The following CHN1 variants were observed in gnomAD, a reference collection of about 807,000 sequenced individuals.
The protein encoded by CHN1 is N-chimaerin.
CHN1 carries 37 observed loss-of-function variants against 59.5 expected under a neutral mutation model. The observed-to-expected ratio is 0.62, with a 90% CI of 0.48 to 0.82. CHN1 has a LOEUF of 0.82. Among genes scored for constraint, CHN1 ranks in the 40% least tolerant of loss-of-function variants. The pLI is 0.00. For synonymous variants in CHN1, 206 were observed against 200.4 expected (o/e 1.03, Z -0.24); for missense variants, 469 against 571.0 (o/e 0.82, Z 1.82).
At chr2:174,816,810 C>T (rs190772460) in intron 8 of CHN1, among the ~76,000 whole-genome samples, 360 of 152,146 alleles carry the variant, frequency 2.4e-3, no homozygotes, top group Admixed American at 8.9e-3. Context: ...CTTATAACAA[C>T]GTTTTAGAAG....
rs569604656 is a variant in CHN1, at chr2:174,802,906, C to T, written c.1103-1094G>A. ...TACAAAAATTAGCCAGGTGTGGTGG[C>T]GGGTGCCTGTAATCCCAGCTACTTG... On this transcript the variant is annotated intron_variant, in intron 11 of 12. Transcript: ENST00000409900. Among the ~76,000 whole-genome samples, 12 of 152,106 alleles carry T rather than the reference C, an allele frequency of 7.9e-5. No homozygotes were observed. The East Asian group carries it at 1.5e-3, about 20-fold the overall frequency.
intron 5 of CHN1, among the ~76,000 whole-genome samples, chr2:174,893,768 A>G (rs1688124980): frequency 6.6e-6 from 1 of 152,240 alleles, no homozygotes; most frequent in African/African-American, 2.4e-5. Context: ...TCAAAGTTGT[A>G]TGGTTTTGGA....
chr2:174,877,596 A>C (rs1246204838), intron 6 of CHN1, among the ~76,000 whole-genome samples: 2 of 152,184 alleles, frequency 1.3e-5, no homozygotes, highest in East Asian at 3.8e-4. Context: ...TTTTTCCAAC[A>C]TAGTTTTAAA....
At chr2:175,002,380 G>A (rs1691919873) in intron 1 of CHN1, among the ~76,000 whole-genome samples, 1 of 152,132 alleles carries the variant, frequency 6.6e-6, no homozygotes, top group Non-Finnish European at 1.5e-5. Context: ...CAGCAAAGGT[G>A]ATTAACAGTG....
chr2:174,927,853 G>A (rs950737436), intron 3 of CHN1, among the ~76,000 whole-genome samples: 1 of 152,158 alleles, frequency 6.6e-6, no homozygotes, highest in Non-Finnish European at 1.5e-5. Context: ...TCTATATGAT[G>A]CTTCTTAAAA....
chr2:174,914,974 A>T, intron 5 of CHN1, 84 bp downstream of exon 5: 3 of 698,568 alleles, frequency 4.3e-6, no homozygotes, highest in Non-Finnish European at 6.9e-6. Context: ...ATTCAATTAC[A>T]TGCTGAATGC....
intron 6 of CHN1, among the ~76,000 whole-genome samples, chr2:174,850,017 G>A (rs1215718932): frequency 6.6e-6 from 1 of 152,180 alleles, no homozygotes; most frequent in Non-Finnish European, 1.5e-5. Context: ...TGGATGGTAA[G>A]AAAAATGTAG....
At chr2:174,879,099 T>A (rs1470444500) in intron 5 of CHN1, among the ~76,000 whole-genome samples, 1 of 152,222 alleles carries the variant, frequency 6.6e-6, no homozygotes, top group African/African-American at 2.4e-5. Context: ...ACTAAACAAG[T>A]CACAAAGGAT....
intron 1 of CHN1, among the ~76,000 whole-genome samples, chr2:174,963,559 C>A (rs761440978): frequency 5.3e-5 from 8 of 152,164 alleles, no homozygotes; most frequent in Non-Finnish European, 1.0e-4. Context: ...GCAAACAATG[C>A]AGAGTGGCTG....
intron 3 of CHN1, among the ~76,000 whole-genome samples, chr2:174,930,509 A>C (rs1260349526): frequency 1.3e-5 from 2 of 152,144 alleles, no homozygotes; most frequent in African/African-American, 4.8e-5. Flanking sequence ...TCAATGAGAC[A>C]TATCTGGGCA....
At chr2:174,953,164 C>CA (rs374222966) in intron 1 of CHN1, among the ~76,000 whole-genome samples, 1,985 of 90,466 alleles carry the variant, frequency 0.022, 36 homozygotes, top group African/African-American at 0.063. Flanking sequence ...TCCAAGGAAG[C>CA]AAAAAAAAAA....
intron 1 of CHN1, among the ~76,000 whole-genome samples, chr2:174,963,852 A>G (rs934869497): frequency 3.9e-5 from 6 of 152,204 alleles, no homozygotes; most frequent in Admixed American, 1.3e-4. Flanking sequence ...TAAGGAACTG[A>G]AAATTGCAGG....
At chr2:174,857,150 T>C (rs1021621984) in intron 6 of CHN1, among the ~76,000 whole-genome samples, 2 of 152,176 alleles carry the variant, frequency 1.3e-5, no homozygotes, top group African/African-American at 2.4e-5. Context: ...TTGGTGGGAA[T>C]GGAATTGGAG....
chr2:174,980,058 T>C (rs1691090563), intron 1 of CHN1, among the ~76,000 whole-genome samples: 1 of 152,198 alleles, frequency 6.6e-6, no homozygotes, highest in African/African-American at 2.4e-5. Flanking sequence ...GAAATGCTTC[T>C]GTAAAATAAA....
chr2:174,916,518 G>A (rs1185580105), intron 4 of CHN1, among the ~76,000 whole-genome samples: 1 of 152,140 alleles, frequency 6.6e-6, no homozygotes, highest in Non-Finnish European at 1.5e-5. Flanking sequence ...AGAAACAATA[G>A]TCACTTGAAT....
In CHN1 at chr2:174,812,350, G is replaced by A. The variant is rs772571308; in HGVS notation, c.845C>T (p.Pro282Leu). The change falls in exon 9 of 13, where the codon CCA becomes CTA. Residue 282 changes from proline to leucine, a missense_variant. Physicochemically the swap from Pro to Leu is moderately conservative, Grantham distance 98. Transcript: ENST00000409900. ...CCTGATGCACATGTCTACCACCATT[G>A]GCCGCTTAGTGGTATGTGCTTTCAC... ...TLVKAHTTKR[P>L]MVVDMCIREI... 1 of 1,613,814 alleles carries A rather than the reference G, an allele frequency of 6.2e-7. No homozygotes were observed. Among genetic ancestry groups the A allele is most frequent in the Non-Finnish European group, 8.5e-7 (1 of 1,179,802 alleles).
chr2:174,965,593 T>G (rs996229835), intron 1 of CHN1, among the ~76,000 whole-genome samples: 3 of 152,200 alleles, frequency 2.0e-5, no homozygotes, highest in African/African-American at 7.2e-5. Context: ...TTAAAGCATA[T>G]TAGTTTCAGA....
intron 1 of CHN1, among the ~76,000 whole-genome samples, chr2:174,988,129 C>T (rs942556310): frequency 2.0e-5 from 3 of 151,968 alleles, no homozygotes; most frequent in South Asian, 2.1e-4. Context: ...GGAGCCAAGG[C>T]GGGCGGATCA....
chr2:174,919,225 C>T (rs1205188029), intron 3 of CHN1, among the ~76,000 whole-genome samples: 2 of 152,078 alleles, frequency 1.3e-5, no homozygotes, highest in African/African-American at 4.8e-5. Context: ...TAGTGACAGA[C>T]AGACAATAAA....
Sources: gnomAD v4.1 joint callset for allele counts (sites outside exome capture counted in the v4.1 genomes callset) on GRCh38, gnomAD v4.1.1 for gene constraint, MANE v1.5 for transcripts, NCBI Gene and HGNC (gene_info 2026-07-23, HGNC 2026-07-21) for gene names.